Variants in AIFM2 observed in about 807,000 individuals in gnomAD.
AIFM2 encodes AIF family member 2, ferroptosis suppressor, also known as ferroptosis suppressor protein 1.
A neutral mutation model predicts 35.7 loss-of-function variants in AIFM2; 38 were observed. That is an observed-to-expected ratio of 1.06 (90% CI 0.82 to 1.39). AIFM2 has a LOEUF of 1.39. AIFM2 is among the 40% of genes most tolerant of loss of function. The probability of loss-of-function intolerance (pLI) is 0.00; values close to 1 mark genes in which losing one functional copy is unlikely to be tolerated. For synonymous variants in AIFM2, 185 were observed against 203.5 expected, an observed-to-expected ratio of 0.91 and a Z score of 0.77; for missense variants, 476 against 491.2, an observed-to-expected ratio of 0.97 and a Z score of 0.29.
In AIFM2 at chr10:70,113,370, T is replaced by C. The variant is rs1359409314; in HGVS notation, c.*808A>G. The stretch of plus-strand genomic sequence containing the variant: ...TGAAACCCCGTCTCTATTTAAAAAA[T>C]ACAAAAATTAGCCAGGCATGGTGGC... On this transcript the variant is annotated 3_prime_UTR_variant, in exon 9 of 9. Coordinates refer to ENST00000307864, the MANE Select transcript of AIFM2 (RefSeq NM_032797.6). 1.3e-5 allele frequency: 2 copies of C among 152,034 alleles called. No homozygotes were observed. Among genetic ancestry groups the C allele is most frequent in the Non-Finnish European group, 2.9e-5 (2 of 68,042 alleles). The allele number at this position is 152,034 out of a possible 1,614,324, so 9.4% of individuals were successfully genotyped here.
chr10:70,125,513 G>A (rs954184739), intron 1 of AIFM2, among the ~76,000 whole-genome samples: 3 of 150,608 alleles, frequency 2.0e-5, no homozygotes, highest in African/African-American at 7.3e-5. Context: ...CGCTAATTGG[G>A]AGGCCGAGGT....
intron 1 of AIFM2, among the ~76,000 whole-genome samples, chr10:70,125,059 C>T (rs2136663587): frequency 6.6e-6 from 1 of 152,294 alleles, no homozygotes; most frequent in Non-Finnish European, 1.5e-5. Context: ...TCTCTTTTGC[C>T]TTCCACCATG....
Position 70,123,917 on chromosome 10 carries a change from G to C in AIFM2, c.168C>G (p.Ser56=), listed in dbSNP as rs770190495. The change falls in exon 2 of 9, where the codon TCC becomes TCG. Residue 56 remains serine (S), a synonymous_variant. Coordinates refer to ENST00000307864, the MANE Select transcript of AIFM2 (RefSeq NM_032797.6). The part of the protein sequence containing the change: ...FHHNVAALRA[S]VETGFAKKTF... ...ACGGGAGCACATTACCTGTCTCCAC[G>C]GAGGCTCGGAGAGCAGCCACATTGT... 1.1e-5 allele frequency: 17 copies of C among 1,585,298 alleles called. 1 individual carries two copies. The South Asian group carries it at 1.5e-4, about 14-fold the overall frequency.
intron 3 of AIFM2, among the ~76,000 whole-genome samples, chr10:70,122,793 T>C (rs2072523738): frequency 6.6e-6 from 1 of 152,222 alleles, no homozygotes; most frequent in Non-Finnish European, 1.5e-5. Flanking sequence ...GCAAGCCATT[T>C]AACCCTTTAG....
In AIFM2 at chr10:70,120,536, C is replaced by G. The variant is rs773248011; in HGVS notation, c.478G>C (p.Glu160Gln). 45 of 1,614,076 alleles carry G rather than the reference C, an allele frequency of 2.8e-5. No homozygotes were observed. The highest frequency in any genetic ancestry group is 3.7e-5 in the Non-Finnish European group (44 of 1,180,054). ...GGSAGVEMAA[E>Q]IKTEYPEKEV... is the part of the protein sequence containing the mutation. Reference sequence around the variant, plus strand: ...TTCTCAGGATATTCTGTTTTAATCTCTGCTGCCATCTCCACTCCAGCCGAG... The same window carrying G: ...TTCTCAGGATATTCTGTTTTAATCTGTGCTGCCATCTCCACTCCAGCCGAG... Residue 160 changes from glutamate (E) to glutamine (Q), a missense_variant, in exon 5 of 9, where the codon GAG becomes CAG. Coordinates refer to ENST00000307864, the MANE Select transcript of AIFM2 (RefSeq NM_032797.6).
intron 1 of AIFM2, among the ~76,000 whole-genome samples, chr10:70,129,889 T>TTA (rs2072609290): frequency 6.7e-6 from 1 of 149,250 alleles, no homozygotes; most frequent in African/African-American, 2.5e-5. Context: ...CCCCATCTTT[T>TTA]AAAAAAAAAA....
intron 5 of AIFM2, among the ~76,000 whole-genome samples, chr10:70,120,112 C>T (rs1192305324): frequency 6.6e-6 from 1 of 152,184 alleles, no homozygotes. Flanking sequence ...AAGCTGGTTG[C>T]CAGCAAGAGG....
At chr10:70,118,711 T>G (rs572624760) in intron 5 of AIFM2, among the ~76,000 whole-genome samples, 14 of 152,366 alleles carry the variant, frequency 9.2e-5, no homozygotes, top group African/African-American at 3.4e-4. Flanking sequence ...CAGTTCCTGA[T>G]GCAGAGCTCT....
At chr10:70,127,218 AG>A (rs1267079330) in intron 1 of AIFM2, among the ~76,000 whole-genome samples, 8 of 152,370 alleles carry the variant, frequency 5.3e-5, no homozygotes, top group African/African-American at 1.9e-4. Flanking sequence ...GCTGTCAGCC[AG>A]GGATGAGGTC....
chr10:70,126,106 G>A (rs2072562708), intron 1 of AIFM2, among the ~76,000 whole-genome samples: 1 of 152,254 alleles, frequency 6.6e-6, no homozygotes, highest in South Asian at 2.1e-4. Flanking sequence ...TGCTTGCAGT[G>A]TGGGCCTCAG....
At chr10:70,114,395 T>G in intron 8 of AIFM2, 66 bp from the exon 9 acceptor site, 1 of 1,596,714 alleles carries the variant, frequency 6.3e-7, no homozygotes, top group Non-Finnish European at 8.5e-7. Flanking sequence ...CCTCCCAGAG[T>G]GCCGATCCTT....
At position 70,115,012 on chromosome 10, in the gene AIFM2, T is replaced by G; in HGVS notation, c.878A>C (p.Lys293Thr). The change falls in exon 8 of 9, where the codon AAG becomes ACG. Residue 293 changes from lysine to threonine, a missense_variant. Transcript: ENST00000307864. ...GTGGAGGCCGGCAAGATAGGCCATCTTGGGCGTCCTCACGTCGGCACAGTC... is the reference window on the plus strand; with the variant it reads ...GTGGAGGCCGGCAAGATAGGCCATCGTGGGCGTCCTCACGTCGGCACAGTC... ...IGDCADVRTPKMAYLAGLHAN... is the reference protein window; with the variant it reads ...IGDCADVRTPTMAYLAGLHAN... 1.2e-6 allele frequency: 2 copies of G among 1,614,210 alleles called. No homozygotes were observed. The highest frequency in any genetic ancestry group is 1.7e-6 in the Non-Finnish European group (2 of 1,180,024).
chr10:70,123,492 G>C lies in AIFM2; in HGVS notation c.207C>G (p.Tyr69Ter), dbSNP rs778552985. 6.2e-7 allele frequency: 1 copy of C among 1,614,170 alleles called. No homozygotes were observed. Residue 69 changes from tyrosine to a stop codon, truncating the protein, a stop_gained, in exon 3 of 9, where the codon TAC (tyrosine) becomes TAG (stop). Transcript: ENST00000307864. LOFTEE classifies it high-confidence loss of function. The part of the protein sequence containing the change: ...TGFAKKTFIS[Y>*]SVTFKDNFRQ... ...GGAAGTTGTCCTTGAAAGTCACCGA[G>C]TAAGAAATGAATGTCTTTTTGGCGA...
At chr10:70,121,001 A>C (rs4746962) in intron 4 of AIFM2, 91 bp downstream of exon 4, 1,488,790 of 1,527,220 alleles carry the variant, frequency 0.97, 725,701 homozygotes, top group East Asian at 1. Flanking sequence ...GCTCTGAGTA[A>C]CCCCGTGGCC....
intron 3 of AIFM2, among the ~76,000 whole-genome samples, chr10:70,121,866 C>T (rs1482110926): frequency 2.0e-5 from 3 of 151,680 alleles, no homozygotes; most frequent in African/African-American, 4.8e-5. Context: ...CCAAGGCGGG[C>T]GGATCACCTG....
intron 4 of AIFM2, 64 bp from the exon 5 acceptor site, chr10:70,120,663 C>A: frequency 6.4e-7 from 1 of 1,571,800 alleles, no homozygotes. Flanking sequence ...CCTCTGTCTG[C>A]TGGTTCAGCC....
chr10:70,121,003 C>T (rs2072496636), intron 4 of AIFM2, 89 bp downstream of exon 4: 2 of 1,534,332 alleles, frequency 1.3e-6, no homozygotes, highest in East Asian at 2.3e-5. Flanking sequence ...TCTGAGTAAC[C>T]CCGTGGCCTC....
At chr10:70,128,362 GTT>G (rs1408435321) in intron 1 of AIFM2, among the ~76,000 whole-genome samples, 1 of 152,144 alleles carries the variant, frequency 6.6e-6, no homozygotes, top group African/African-American at 2.4e-5. Flanking sequence ...GTGATGTTTT[GTT>G]TTGTTTTTGA....
In AIFM2 at chr10:70,121,156, C is replaced by T. The variant is rs2072499709; in HGVS notation, c.350G>A (p.Gly117Asp). Reference protein sequence around the residue: ...LATGSTGPFPGKFNEVSSQQA... With the variant: ...LATGSTGPFPDKFNEVSSQQA... The stretch of plus-strand genomic sequence containing the variant: ...CTGGCTGGAAACCTCATTAAACTTG[C>T]CCGGGAAGGGCCCAGTGCTGCCCGT... Residue 117 changes from glycine (G) to aspartate (D), a missense_variant, in exon 4 of 9, where the codon GGC becomes GAC. Coordinates refer to ENST00000307864, the MANE Select transcript of AIFM2 (RefSeq NM_032797.6). The T allele has an allele frequency of 6.3e-7, 1 of 1,591,248 alleles. No individual in the cohort carries two copies. The highest frequency in any genetic ancestry group is 8.6e-7 in the Non-Finnish European group (1 of 1,169,584).
Sources: gnomAD v4.1 joint callset for allele counts (sites outside exome capture counted in the v4.1 genomes callset) on GRCh38, gnomAD v4.1.1 for gene constraint, MANE v1.5 for transcripts, NCBI Gene and HGNC (gene_info 2026-07-23, HGNC 2026-07-21) for gene names.